Variants in ADAM22 observed in about 807,000 individuals in gnomAD.
ADAM22 encodes the protein ADAM metallopeptidase domain 22.
Under a neutral mutation model 144.6 loss-of-function variants are expected in ADAM22, and 65 were observed. That is an observed-to-expected ratio of 0.45 (90% CI 0.37 to 0.55). ADAM22 has a LOEUF of 0.55. ADAM22 is among the 20% of genes least tolerant of loss of function. ADAM22 has a pLI of 0.00. For synonymous variants in ADAM22, 391 were observed against 412.6 expected (o/e 0.95, Z 0.63); for missense variants, 974 against 1,184.9 (o/e 0.82, Z 2.61).
intron 2 of ADAM22, chr7:87,964,732 T>G: frequency 2.7e-6 from 1 of 366,548 alleles, no homozygotes; most frequent in Non-Finnish European, 5.2e-6. Context: ...TGTTAGTATT[T>G]TCTCTCAAAC....
At chr7:88,123,373 T>C (rs1829745432) in intron 7 of ADAM22, among the ~76,000 whole-genome samples, 1 of 152,074 alleles carries the variant, frequency 6.6e-6, no homozygotes, top group South Asian at 2.1e-4. Context: ...TGAAGCCATC[T>C]GGCCTTGTGG....
chr7:88,186,617 A>G lies in ADAM22; in HGVS notation c.2666A>G (p.Tyr889Cys), dbSNP rs891008056. 1.9e-6 allele frequency: 3 copies of G among 1,603,206 alleles called. No individual in the cohort carries two copies. The highest frequency in any genetic ancestry group is 2.6e-6 in the Non-Finnish European group (3 of 1,170,274). The stretch of plus-strand genomic sequence containing the variant: ...GTTCCTTCCATTGCTTTCTGCAGGT[A>G]TTTAAACCCATGGTTCAAAAGAGAC... ...RFRPRSNSTEYLNPWFKRDYN... is the reference protein window; with the variant it reads ...RFRPRSNSTECLNPWFKRDYN... Residue 889 changes from tyrosine to cysteine, a missense_variant and splice_region_variant, in exon 30 of 32, where the codon TAT becomes TGT. Physicochemically the swap from Tyr to Cys is radical, Grantham distance 194 (BLOSUM62 -2). This residue lies in a region of ADAM22 where 734 missense variants were observed against 950.6 expected (regional missense o/e 0.77). Coordinates refer to ENST00000413139, the MANE Select transcript of ADAM22 (RefSeq NM_001324418.2).
chr7:88,098,909 T>G (rs555085666), intron 4 of ADAM22, among the ~76,000 whole-genome samples: 1 of 152,336 alleles, frequency 6.6e-6, no homozygotes, highest in Admixed American at 6.5e-5. Context: ...ATCCTAGTGC[T>G]CACCAATGAA....
rs186196064 is a variant in ADAM22 at position 88,024,489 on chromosome 7, T to C, written c.323+46077T>C. Among the ~76,000 whole-genome samples, 401 of 152,308 alleles carry C rather than the reference T, an allele frequency of 2.6e-3. 5 individuals carry two copies. Among genetic ancestry groups the C allele is most frequent in the African/African-American group, 9.1e-3 (379 of 41,566 alleles). On this transcript the variant is annotated intron_variant, in intron 3 of 31. Coordinates refer to ENST00000413139, the MANE Select transcript of ADAM22 (RefSeq NM_001324418.2). ...GCCTGTTTGCCATTTGTATGTCTTCTTTGGATAAATGTATATTCAGATATT... is the reference window on the plus strand; with the variant it reads ...GCCTGTTTGCCATTTGTATGTCTTCCTTGGATAAATGTATATTCAGATATT...
intron 5 of ADAM22, 78 bp from the exon 6 acceptor site, chr7:88,114,506 C>A: frequency 1.4e-6 from 2 of 1,399,858 alleles, no homozygotes; most frequent in Non-Finnish European, 2.0e-6. Context: ...GGCCCTCTGG[C>A]TGCTGCTGAT....
At chr7:88,143,858 C>G (rs570757390) in intron 15 of ADAM22, among the ~76,000 whole-genome samples, 1 of 152,326 alleles carries the variant, frequency 6.6e-6, no homozygotes, top group South Asian at 2.1e-4. Flanking sequence ...ATGTATCATA[C>G]TGAATTGCGA....
intron 3 of ADAM22, among the ~76,000 whole-genome samples, chr7:88,030,456 C>T (rs1403584699): frequency 6.6e-6 from 1 of 152,112 alleles, no homozygotes; most frequent in Admixed American, 6.5e-5. Context: ...ACATATCTCT[C>T]TCTGGGATAA....
At chr7:87,963,016 G>A (rs1488816919) in intron 2 of ADAM22, among the ~76,000 whole-genome samples, 2 of 152,150 alleles carry the variant, frequency 1.3e-5, no homozygotes, top group Non-Finnish European at 2.9e-5. Context: ...AAGCAATTGA[G>A]CATAGCATTA....
At chr7:87,999,627 T>C (rs1382078482) in intron 3 of ADAM22, among the ~76,000 whole-genome samples, 1 of 152,200 alleles carries the variant, frequency 6.6e-6, no homozygotes, top group African/African-American at 2.4e-5. Context: ...TTTTGAAATA[T>C]TTACAACATT....
intron 3 of ADAM22, among the ~76,000 whole-genome samples, chr7:88,075,316 A>G (rs1437761102): frequency 2.0e-5 from 3 of 152,198 alleles, no homozygotes; most frequent in Non-Finnish European, 4.4e-5. Context: ...ATTAAGGACA[A>G]TATGTCTTTA....
At chr7:87,958,170 A>G (rs763046825) in intron 2 of ADAM22, among the ~76,000 whole-genome samples, 2 of 152,114 alleles carry the variant, frequency 1.3e-5, no homozygotes, top group Non-Finnish European at 2.9e-5. Context: ...TGACATACAC[A>G]TTTGACATTG....
In ADAM22 at chr7:88,193,185, C is replaced by T; in HGVS notation, c.2820C>T (p.Tyr940=). Residue 940 remains tyrosine (Y), a synonymous_variant, in exon 31 of 32, where the codon TAC becomes TAT. Coordinates refer to ENST00000413139, the MANE Select transcript of ADAM22 (RefSeq NM_001324418.2). ...GSIASSRKYP[Y]PMPPLPDEDK... is the part of the protein sequence containing the mutation. ...TTGCCTCCAGCAGAAAATACCCTTACCCAATGCCTCCACTTCCTGATGAGG... is the reference window on the plus strand; with the variant it reads ...TTGCCTCCAGCAGAAAATACCCTTATCCAATGCCTCCACTTCCTGATGAGG... 6.2e-7 allele frequency: 1 copy of T among 1,614,116 alleles called. No individual in the cohort carries two copies. Among genetic ancestry groups the T allele is most frequent in the East Asian group, 2.2e-5 (1 of 44,866 alleles).
chr7:88,148,831 C>T, intron 17 of ADAM22, 146 bp from the exon 18 acceptor site: 1 of 564,856 alleles, frequency 1.8e-6, no homozygotes, highest in Non-Finnish European at 3.1e-6. Context: ...AAATTTTTTT[C>T]AGTAACTGTG....
intron 2 of ADAM22, among the ~76,000 whole-genome samples, chr7:87,957,704 T>C (rs1847115217): frequency 6.6e-6 from 1 of 152,186 alleles, no homozygotes; most frequent in African/African-American, 2.4e-5. Context: ...CCTCTCAGCC[T>C]CCCGAGTAGC....
At position 88,133,635 on chromosome 7, in the gene ADAM22, A is replaced by G. The variant is rs532751844; in HGVS notation, c.1077+684A>G. Among the ~76,000 whole-genome samples, 8 of 152,268 alleles carry G rather than the reference A, an allele frequency of 5.3e-5. 1 individual carries two copies. The South Asian group carries it at 1.4e-3, about 28-fold the overall frequency. ...TCCAGGGAATTGAATAATTCCCTGA[A>G]GCATCAGGTTGTCACCTAACAACCC... On this transcript the variant is annotated intron_variant, in intron 12 of 31. Coordinates refer to ENST00000413139, the MANE Select transcript of ADAM22 (RefSeq NM_001324418.2).
intron 3 of ADAM22, among the ~76,000 whole-genome samples, chr7:88,038,592 C>T (rs900333735): frequency 6.6e-6 from 1 of 151,514 alleles, no homozygotes; most frequent in East Asian, 1.9e-4. Context: ...GTAGCTGGGA[C>T]TACAGGCGCG....
chr7:88,187,874 G>A (rs1191543002), intron 30 of ADAM22, among the ~76,000 whole-genome samples: 1 of 151,974 alleles, frequency 6.6e-6, no homozygotes, highest in Admixed American at 6.6e-5. Flanking sequence ...CCCAAGGAAA[G>A]CGTAACTCCT....
chr7:88,047,172 A>G (rs1804894727), intron 3 of ADAM22, among the ~76,000 whole-genome samples: 1 of 152,206 alleles, frequency 6.6e-6, no homozygotes, highest in Non-Finnish European at 1.5e-5. Flanking sequence ...TAAAATACCT[A>G]GTACAGTTCC....
intron 3 of ADAM22, among the ~76,000 whole-genome samples, chr7:88,005,374 G>C (rs988629305): frequency 6.6e-6 from 1 of 152,228 alleles, no homozygotes; most frequent in African/African-American, 2.4e-5. Context: ...TGGATAAGCA[G>C]ATGGTTCCTA....
Sources: allele counts gnomAD v4.1 joint callset (sites outside exome capture counted in the v4.1 genomes callset), GRCh38; gene constraint gnomAD v4.1.1; regional missense constraint gnomAD v4.1.1; transcripts MANE v1.5; gene names NCBI Gene and HGNC (gene_info 2026-07-23, HGNC 2026-07-21).